The following CUL4B variants were observed in gnomAD, a reference collection of about 807,000 sequenced individuals.
CUL4B encodes cullin 4B.
In CUL4B, 1 loss-of-function variant was observed where a neutral mutation model predicts 69.2. The ratio of observed to expected loss-of-function variants is 0.01; its 90% CI spans 0.01 to 0.07. CUL4B has a LOEUF of 0.07. Ranked by LOEUF, CUL4B falls within the 10% of genes least tolerant of loss-of-function variation. The probability of loss-of-function intolerance (pLI) is 1.00; values close to 1 mark genes in which losing one functional copy is unlikely to be tolerated. For missense variants in CUL4B, 328 were observed against 638.8 expected, an observed-to-expected ratio of 0.51 and a Z score of 5.24; for synonymous variants, 237 against 223.2, an observed-to-expected ratio of 1.06 and a Z score of -0.55.
In CUL4B at chrX:120,539,214, C is replaced by T. The variant is rs1268335644; in HGVS notation, c.1741+54G>A. 6.0e-6 allele frequency: 4 copies of T among 661,732 alleles called. No individual in the cohort carries two copies. In the African/African-American group the frequency reaches 6.6e-5, roughly 11 times the overall value. 54.5% of individuals were successfully genotyped at this position (661,732 alleles called of 1,213,427 possible). On this transcript the variant is annotated intron_variant, in intron 12 of 19. Transcript: ENST00000371322. ...CCAGTTTGAATATACTTGCTAGCTT[C>T]TCTGTTGAGTGCTATTTTAAAAGAA... is the stretch of plus-strand genomic sequence containing the variant.
chrX:120,542,227 G>C (rs1345637710), intron 9 of CUL4B, among the ~76,000 whole-genome samples: 1 of 111,854 alleles, frequency 8.9e-6, no homozygotes, highest in Admixed American at 9.5e-5. Flanking sequence ...ATATGTAGTA[G>C]CCATATTATG....
chrX:120,570,290 A>G (rs1042600926), downstream of CUL4B, among the ~76,000 whole-genome samples: 1 of 112,099 alleles, frequency 8.9e-6, no homozygotes, highest in African/African-American at 3.2e-5. Flanking sequence ...TAAGAACCAC[A>G]ATACTGGGCA....
chrX:120,534,220 A>T (rs1249205783), intron 17 of CUL4B, among the ~76,000 whole-genome samples: 4 of 105,145 alleles, frequency 3.8e-5, no homozygotes, highest in Admixed American at 3.1e-4. Context: ...AAAAAATTTT[A>T]AAAATTAGCC....
At chrX:120,551,342 C>A (rs1443834907) in intron 2 of CUL4B, among the ~76,000 whole-genome samples, 1 of 110,192 alleles carries the variant, frequency 9.1e-6, no homozygotes, top group Non-Finnish European at 1.9e-5. Flanking sequence ...GGATTACAAG[C>A]ATGCGCCGCC....
At chrX:120,540,859 G>A (rs1214733548) in intron 10 of CUL4B, among the ~76,000 whole-genome samples, 1 of 111,994 alleles carries the variant, frequency 8.9e-6, no homozygotes, top group Non-Finnish European at 1.9e-5. Context: ...TATCCACACT[G>A]TTAACCACTC....
intron 2 of CUL4B, chrX:120,574,423 C>T (rs1925806472): frequency 3.5e-6 from 2 of 566,078 alleles, no homozygotes; most frequent in Admixed American, 2.4e-5. Flanking sequence ...TGGTCTCGAT[C>T]TCCTGACCTC....
chrX:120,569,189 C>T (rs1174205293), downstream of CUL4B, among the ~76,000 whole-genome samples: 1 of 110,933 alleles, frequency 9.0e-6, no homozygotes, highest in Non-Finnish European at 1.9e-5. Context: ...CTGGCTGCTT[C>T]TCCTGGCCAA....
chrX:120,528,288 T>C (rs1175555581), intron 19 of CUL4B, among the ~76,000 whole-genome samples: 1 of 109,404 alleles, frequency 9.1e-6, no homozygotes, highest in African/African-American at 3.3e-5. Flanking sequence ...GCGCCTGTAG[T>C]CTCAGCTACC....
intron 15 of CUL4B, among the ~76,000 whole-genome samples, 160 bp downstream of exon 15, chrX:120,536,767 G>A (rs1390024573): frequency 3.6e-5 from 4 of 111,592 alleles, no homozygotes; most frequent in East Asian, 2.8e-4. Flanking sequence ...AGGCTGAGGC[G>A]GGGGGGATCA....
rs1419796305 is a variant in CUL4B, at chrX:120,530,132, T to A, written c.2562A>T (p.Glu854Asp). ...KTLSHNLLVSEVYNQLKFPVK... is the reference protein window; with the variant it reads ...KTLSHNLLVSDVYNQLKFPVK... ...CTGGAAATTTCAACTGGTTGTACAC[T>A]TCTGAAACAAGGAGATTGTGGCTAA... Residue 854 changes from glutamate (E) to aspartate (D), a missense_variant, in exon 19 of 20, where the codon GAA becomes GAT. Physicochemically the swap from Glu to Asp is conservative, Grantham distance 45 (BLOSUM62 2). This residue lies in a region of CUL4B where 98 missense variants were observed against 296.8 expected (regional missense o/e 0.33). Coordinates refer to ENST00000371322, the MANE Select transcript of CUL4B (RefSeq NM_001079872.2). The A allele has an allele frequency of 2.5e-6, 3 of 1,211,081 alleles. No homozygotes were observed. The highest frequency in any genetic ancestry group is 2.2e-6 in the Non-Finnish European group (2 of 894,919).
At chrX:120,564,107 A>T (rs1925422672), upstream of CUL4B, among the ~76,000 whole-genome samples, 1 of 111,985 alleles carries the variant, frequency 8.9e-6, no homozygotes, top group African/African-American at 3.3e-5. Context: ...GTTCCAGACC[A>T]GCCTGGCCAA....
chrX:120,544,236 A>G, intron 6 of CUL4B, 33 bp from the exon 7 acceptor site: 1 of 1,010,672 alleles, frequency 9.9e-7, no homozygotes, highest in Non-Finnish European at 1.4e-6. Context: ...GAGATCATTT[A>G]TTTAGCAAAT....
rs755600927 is a variant in CUL4B, at chrX:120,532,591, T to A, written c.2270A>T (p.Asp757Val). The change falls in exon 18 of 20, where the codon GAT becomes GTT. Residue 757 changes from aspartate (D) to valine (V), a missense_variant. Asp to Val is a radical substitution (Grantham distance 152). Transcript: ENST00000371322. ...EEIKQATGIEDGELRRTLQSL... is the reference protein window; with the variant it reads ...EEIKQATGIEVGELRRTLQSL... The stretch of plus-strand genomic sequence containing the variant: ...CTGCAGTGTTCTCCTTAACTCTCCA[T>A]CCTCTGAAGAAGAAACAGAGGTTTA... 1.7e-6 allele frequency: 2 copies of A among 1,203,513 alleles called. No homozygotes were observed. Among genetic ancestry groups the A allele is most frequent in the African/African-American group, 1.8e-5 (1 of 57,072 alleles).
In CUL4B at chrX:120,547,153, C is replaced by T. The variant is rs746547887; in HGVS notation, c.759G>A (p.Gln253=). 1.6e-5 allele frequency: 19 copies of T among 1,197,954 alleles called. No individual in the cohort carries two copies. In the South Asian group the frequency reaches 3.2e-4, roughly 20 times the overall value. ...RQICEDHIKA[Q]IHQFREDSLD... ...AAGGATATTCTCTGAATTGATGAATCTGTGCTTTGATGTGATCTTCGCAGA... is the reference window on the plus strand; with the variant it reads ...AAGGATATTCTCTGAATTGATGAATTTGTGCTTTGATGTGATCTTCGCAGA... Residue 253 remains glutamine (Q), a synonymous_variant, in exon 3 of 20, where the codon CAG becomes CAA. Coordinates refer to ENST00000371322, the MANE Select transcript of CUL4B (RefSeq NM_001079872.2).
At chrX:120,544,690 T>C in intron 5 of CUL4B, 47 bp from the exon 6 acceptor site, 1 of 1,090,711 alleles carries the variant, frequency 9.2e-7, no homozygotes, top group Non-Finnish European at 1.3e-6. Context: ...CAATACCACT[T>C]CTGAAGAGGT....
intron 18 of CUL4B, among the ~76,000 whole-genome samples, chrX:120,531,994 T>C (rs930900779): frequency 9.0e-6 from 1 of 111,261 alleles, no homozygotes; most frequent in Non-Finnish European, 1.9e-5. Flanking sequence ...CTTCCACAAA[T>C]TTATCATATA....
At chrX:120,569,769 T>A (rs866974789), downstream of CUL4B, among the ~76,000 whole-genome samples, 5 of 110,949 alleles carry the variant, frequency 4.5e-5, no homozygotes, top group African/African-American at 1.6e-4. Flanking sequence ...TGGCCCAGCC[T>A]AGGAGGGTGA....
At chrX:120,545,108 G>A (rs761414854) in intron 5 of CUL4B, among the ~76,000 whole-genome samples, 363 of 111,870 alleles carry the variant, frequency 3.2e-3, no homozygotes, top group African/African-American at 0.011. Context: ...TTCTATTTTC[G>A]TGTATACATG....
chrX:120,538,905 G>A, intron 12 of CUL4B, 135 bp from the exon 13 acceptor site: 1 of 467,037 alleles, frequency 2.1e-6, no homozygotes, highest in Non-Finnish European at 3.6e-6. Context: ...TTTGTTAAAT[G>A]CAAGAAACAG....
Sources: gnomAD v4.1 joint callset for allele counts (sites outside exome capture counted in the v4.1 genomes callset) on GRCh38, gnomAD v4.1.1 for gene constraint, gnomAD v4.1.1 regional missense constraint, MANE v1.5 for transcripts, NCBI Gene and HGNC (gene_info 2026-07-23, HGNC 2026-07-21) for gene names.